Variants in CNGB3 observed in about 807,000 individuals in gnomAD.
CNGB3 encodes the protein cyclic nucleotide-gated channel beta-3.
A neutral mutation model predicts 92.8 loss-of-function variants in CNGB3; 86 were observed. The ratio of observed to expected loss-of-function variants is 0.93; its 90% CI spans 0.78 to 1.11. CNGB3 has a LOEUF of 1.11. Among genes scored for constraint, CNGB3 ranks in the 50% least tolerant of loss-of-function variants. The pLI, the probability that CNGB3 is intolerant of heterozygous loss-of-function variation, is 0.00. For synonymous variants in CNGB3, 333 were observed against 332.7 expected, an observed-to-expected ratio of 1.00 and a Z score of -0.01; for missense variants, 1,026 against 956.8, an observed-to-expected ratio of 1.07 and a Z score of -0.95.
chr8:86,657,294 G>A (rs1397623666), intron 6 of CNGB3: 1 of 333,866 alleles, frequency 3.0e-6, no homozygotes, highest in Admixed American at 3.7e-5. Context: ...TAAGGATAAT[G>A]GGGTGACTGG....
intron 15 of CNGB3, among the ~76,000 whole-genome samples, chr8:86,589,300 C>G (rs982074290): frequency 1.3e-4 from 20 of 151,110 alleles, no homozygotes; most frequent in African/African-American, 4.6e-4. Context: ...ATCCTGGATT[C>G]ATTAATTTTT....
At chr8:86,577,084 C>T (rs1043776413) in intron 17 of CNGB3, among the ~76,000 whole-genome samples, 1 of 152,068 alleles carries the variant, frequency 6.6e-6, no homozygotes, top group Non-Finnish European at 1.5e-5. Flanking sequence ...TCAATATCTG[C>T]CCTCATAGGC....
chr8:86,628,843 A>C, intron 12 of CNGB3, 76 bp downstream of exon 12: 1 of 1,463,828 alleles, frequency 6.8e-7, no homozygotes, highest in South Asian at 1.1e-5. Flanking sequence ...AAATCCAACT[A>C]GTCTCTGCTA....
At position 86,708,786 on chromosome 8, in the gene CNGB3, G is replaced by GTCTC. The variant is rs1824697911; in HGVS notation, c.338+17741_338+17744dup. Reference sequence around the variant, plus strand: ...GGGTCTTGCTCTGTTGCCCAGGCTAGTCTCAAACTCCTGGGCTTAAGTGAT... The same window carrying GTCTC: ...GGGTCTTGCTCTGTTGCCCAGGCTAGTCTCTCTCAAACTCCTGGGCTTAAGTGAT... On this transcript the variant is annotated intron_variant, in intron 3 of 17. Coordinates refer to ENST00000320005, the MANE Select transcript of CNGB3 (RefSeq NM_019098.5). 2.0e-5 allele frequency among the ~76,000 whole-genome samples: 3 copies of GTCTC among 151,958 alleles called. No homozygotes were observed. In the South Asian group the frequency reaches 6.2e-4, roughly 32 times the overall value.
At chr8:86,666,876 T>G in intron 6 of CNGB3, 49 bp downstream of exon 6, 4 of 1,421,226 alleles carry the variant, frequency 2.8e-6, no homozygotes, top group Non-Finnish European at 4.0e-6. Flanking sequence ...TGTAGCCCAA[T>G]TAGATGTTAT....
chr8:86,702,638 A>T (rs1824576300), intron 3 of CNGB3, among the ~76,000 whole-genome samples: 1 of 152,160 alleles, frequency 6.6e-6, no homozygotes, highest in Non-Finnish European at 1.5e-5. Context: ...GTAGTATTTT[A>T]AAAACATTTC....
intron 15 of CNGB3, among the ~76,000 whole-genome samples, chr8:86,594,994 T>A (rs908187923): frequency 6.6e-6 from 1 of 152,196 alleles, no homozygotes; most frequent in Non-Finnish European, 1.5e-5. Context: ...AGTGCTGGGA[T>A]TACAGGCGTG....
chr8:86,600,362 C>T (rs1483397264), intron 15 of CNGB3, among the ~76,000 whole-genome samples: 1 of 152,132 alleles, frequency 6.6e-6, no homozygotes, highest in Non-Finnish European at 1.5e-5. Flanking sequence ...TGGCACTGTG[C>T]CTGGCAAAGA....
chr8:86,654,107 A>G lies in CNGB3; in HGVS notation c.853-45T>C, dbSNP rs75861378. The G allele has an allele frequency of 2.4e-3, 3,055 of 1,290,418 alleles. 57 individuals carry two copies. In the African/African-American group the frequency reaches 0.04, roughly 17 times the overall value. The allele number at this position is 1,290,418 out of a possible 1,614,324, so 79.9% of individuals were successfully genotyped here. On this transcript the variant is annotated intron_variant, in intron 6 of 17. Transcript: ENST00000320005. ...TCATTAATTTTAGCCAATTTCATCAATTATTTTTTTCTCACTTTTAAATTT... is the reference window on the plus strand; with the variant it reads ...TCATTAATTTTAGCCAATTTCATCAGTTATTTTTTTCTCACTTTTAAATTT...
intron 3 of CNGB3, among the ~76,000 whole-genome samples, chr8:86,697,444 G>A (rs781458119): frequency 4.6e-5 from 7 of 152,236 alleles, no homozygotes; most frequent in Admixed American, 1.3e-4. Flanking sequence ...CTGTAGTTAT[G>A]TCATTAGAGA....
intron 4 of CNGB3, among the ~76,000 whole-genome samples, chr8:86,668,548 A>T (rs2131616563): frequency 1.3e-5 from 2 of 152,354 alleles, no homozygotes; most frequent in South Asian, 4.1e-4. Flanking sequence ...CTTTTGATAC[A>T]GACAGATGAA....
intron 6 of CNGB3, chr8:86,657,977 G>A: frequency 1.1e-5 from 6 of 549,998 alleles, no homozygotes; most frequent in Non-Finnish European, 2.1e-5. Flanking sequence ...TCTCCAGACA[G>A]CTGGATGCAG....
chr8:86,577,293 T>C (rs1343210487), intron 17 of CNGB3, among the ~76,000 whole-genome samples: 1 of 152,244 alleles, frequency 6.6e-6, no homozygotes, highest in East Asian at 1.9e-4. Flanking sequence ...GGTTTTCAGT[T>C]TCTTCATCTA....
chr8:86,579,593 C>G lies in CNGB3; in HGVS notation c.1782-341G>C, dbSNP rs189837707. On this transcript the variant is annotated intron_variant, in intron 15 of 17. Coordinates refer to ENST00000320005, the MANE Select transcript of CNGB3 (RefSeq NM_019098.5). ...CCTTCAGATCCACTTTTCACCTCTC[C>G]CCATGCTCCTTTGTTTCCCAGGAAG... Among the ~76,000 whole-genome samples the G allele has an allele frequency of 5.3e-5, 8 of 152,304 alleles. No homozygotes were observed. The East Asian group carries it at 1.5e-3, about 29-fold the overall frequency.
At position 86,743,571 on chromosome 8, in the gene CNGB3, C is replaced by T; in HGVS notation, c.57G>A (p.Glu19=). The T allele has an allele frequency of 6.2e-7, 1 of 1,613,948 alleles. No homozygotes were observed. Among genetic ancestry groups the T allele is most frequent in the African/African-American group, 1.3e-5 (1 of 75,050 alleles). The change falls in exon 1 of 18, where the codon GAG becomes GAA. Residue 19 remains glutamate, a synonymous_variant. Coordinates refer to ENST00000320005, the MANE Select transcript of CNGB3 (RefSeq NM_019098.5). The part of the protein sequence containing the change: ...NKVKPIGENN[E]NEQSSRRNEE... ...CATTCCGACGAGAACTTTGTTCATT[C>T]TCATTGTTCTCTCCTATAGGCTTCA...
In CNGB3 at chr8:86,647,794, A is replaced by C. The variant is rs1391435155; in HGVS notation, c.990+7T>G. 2.7e-5 allele frequency: 37 copies of C among 1,358,546 alleles called. No individual in the cohort carries two copies. Among genetic ancestry groups the C allele is most frequent in the Non-Finnish European group, 3.9e-5 (37 of 948,428 alleles). The allele number at this position is 1,358,546 out of a possible 1,614,324, so 84.2% of individuals were successfully genotyped here. ...AGGGAAAAGACAATTAAATATAGTT[A>C]TCTTACCTTTAACATCCTATTTGCT... On this transcript the variant is annotated splice_region_variant and intron_variant, in intron 8 of 17. Transcript: ENST00000320005.
rs142208664 is a variant in CNGB3, at chr8:86,686,769, G to A, written c.339-15671C>T. Among the ~76,000 whole-genome samples the A allele has an allele frequency of 1.3e-3, 195 of 152,022 alleles. 1 individual carries two copies. Among genetic ancestry groups the A allele is most frequent in the African/African-American group, 4.3e-3 (177 of 41,518 alleles). ...TCATAAAGGCTTTAAGTGTGACTAT[G>A]GTGACATTGGAAGTAAGAGATCACA... On this transcript the variant is annotated intron_variant, in intron 3 of 17. Transcript: ENST00000320005.
intron 3 of CNGB3, among the ~76,000 whole-genome samples, chr8:86,718,822 A>T (rs1041193702): frequency 5.3e-5 from 8 of 152,132 alleles, no homozygotes; most frequent in Non-Finnish European, 1.5e-5. Context: ...ATAATCCACC[A>T]TGATCAAATG....
intron 3 of CNGB3, among the ~76,000 whole-genome samples, chr8:86,674,271 A>G (rs1034046861): frequency 6.2e-4 from 95 of 152,334 alleles, no homozygotes; most frequent in African/African-American, 2.2e-3. Flanking sequence ...ATTGCCATTT[A>G]GTTATATTAC....
Sources: gnomAD v4.1 joint callset for allele counts (sites outside exome capture counted in the v4.1 genomes callset) on GRCh38, gnomAD v4.1.1 for gene constraint, MANE v1.5 for transcripts, NCBI Gene and HGNC (gene_info 2026-07-23, HGNC 2026-07-21) for gene names.